MTSS1: variants seen among roughly 807,000 people sequenced by gnomAD.
MTSS1 encodes protein MTSS 1.
Under a neutral mutation model 79.0 loss-of-function variants are expected in MTSS1, and 18 were observed. The ratio of observed to expected loss-of-function variants is 0.23; its 90% CI spans 0.16 to 0.34. MTSS1 has a LOEUF of 0.34. Among genes scored for constraint, MTSS1 ranks in the 10% least tolerant of loss-of-function variants. MTSS1 has a pLI of 1.00. For missense variants in MTSS1, 815 were observed against 986.2 expected, an observed-to-expected ratio of 0.83 and a Z score of 2.33; for synonymous variants, 341 against 368.6, an observed-to-expected ratio of 0.93 and a Z score of 0.86.
chr8:124,581,689 C>A (rs1395023123), intron 6 of MTSS1, among the ~76,000 whole-genome samples: 1 of 151,824 alleles, frequency 6.6e-6, no homozygotes, highest in Admixed American at 6.6e-5. Context: ...TTCTTGACCT[C>A]ATGATGCACC....
chr8:124,682,366 A>G (rs1826257512), intron 3 of MTSS1, among the ~76,000 whole-genome samples: 1 of 152,198 alleles, frequency 6.6e-6, no homozygotes. Flanking sequence ...ATCAGCAGCA[A>G]AGTAGCTGGA....
chr8:124,694,398 C>T (rs1322331948), intron 3 of MTSS1, among the ~76,000 whole-genome samples: 9 of 151,834 alleles, frequency 5.9e-5, no homozygotes, highest in African/African-American at 2.2e-4. Context: ...GGTAATACAT[C>T]CAATGCCTGA....
chr8:124,682,464 G>T (rs1170117466), intron 3 of MTSS1, among the ~76,000 whole-genome samples: 1 of 152,216 alleles, frequency 6.6e-6, no homozygotes, highest in Non-Finnish European at 1.5e-5. Flanking sequence ...AGGTGTGAGG[G>T]GCGGCACAGA....
At chr8:124,564,977 A>C (rs982776604) in intron 9 of MTSS1, among the ~76,000 whole-genome samples, 1 of 152,256 alleles carries the variant, frequency 6.6e-6, no homozygotes, top group Non-Finnish European at 1.5e-5. Flanking sequence ...CAGGACTACT[A>C]TACCAAGAGA....
At chr8:124,568,975 A>C in intron 6 of MTSS1, 4 of 571,318 alleles carry the variant, frequency 7.0e-6, no homozygotes, top group Non-Finnish European at 7.6e-6. Flanking sequence ...GTCAATCTCA[A>C]TCAAAGAGCC....
chr8:124,700,373 G>A (rs544420424), intron 2 of MTSS1, among the ~76,000 whole-genome samples: 1 of 152,232 alleles, frequency 6.6e-6, no homozygotes, highest in East Asian at 1.9e-4. Flanking sequence ...GAGAACTGAG[G>A]CCACAAATAC....
At chr8:124,644,064 A>G (rs1190026425) in intron 3 of MTSS1, among the ~76,000 whole-genome samples, 1 of 152,198 alleles carries the variant, frequency 6.6e-6, no homozygotes, top group Non-Finnish European at 1.5e-5. Context: ...AAGAAGAGAA[A>G]GAATAGGATT....
chr8:124,664,934 A>T (rs534043910), intron 3 of MTSS1, among the ~76,000 whole-genome samples: 1 of 152,322 alleles, frequency 6.6e-6, no homozygotes, highest in South Asian at 2.1e-4. Context: ...CCGACATGTT[A>T]ACAACTCTGA....
At position 124,557,844 on chromosome 8, in the gene MTSS1, G is replaced by A; in HGVS notation, c.1067C>T (p.Ser356Leu). 1 of 1,552,822 alleles carries A rather than the reference G, an allele frequency of 6.4e-7. No homozygotes were observed. Among genetic ancestry groups the A allele is most frequent in the Non-Finnish European group, 8.7e-7 (1 of 1,144,686 alleles). Reference protein sequence around the residue: ...LSNGFSHYSLSSESHVGPTGA... With the variant: ...LSNGFSHYSLLSESHVGPTGA... ...CGTGGGCCCCACGTGGGACTCACTT[G>A]ATAAACTATAGTGAGAAAACCCGTT... The change falls in exon 11 of 14, where the codon TCA becomes TTA. Residue 356 changes from serine to leucine, a missense_variant. Transcript: ENST00000518547.
Position 124,553,581 on chromosome 8 carries a change from C to G in MTSS1, c.1679G>C (p.Arg560Pro). The G allele has an allele frequency of 1.2e-6, 2 of 1,614,126 alleles. No individual in the cohort carries two copies. Among genetic ancestry groups the G allele is most frequent in the Non-Finnish European group, 1.7e-6 (2 of 1,180,008 alleles). ...RNSDISQSYR[R>P]MFQAKRPAST... ...GGCTGGACGCTTGGCTTGGAACATC[C>G]GTCGGTAGGACTGGCTGATGTCGCT... The change falls in exon 14 of 14, where the codon CGG (arginine) becomes CCG (proline). Residue 560 changes from arginine to proline, a missense_variant. By Grantham distance (103) the Arg-to-Pro change is moderately radical (BLOSUM62 -2). Around this residue, in one of 2 missense-constraint regions of MTSS1, gnomAD observed 590 missense variants for 620.8 expected, o/e 0.95. Transcript: ENST00000518547. The surrounding 1 kb of genome is among the most constrained non-coding windows in gnomAD (Gnocchi z 6.0).
chr8:124,718,606 C>T (rs1206495993), intron 1 of MTSS1, among the ~76,000 whole-genome samples: 1 of 152,196 alleles, frequency 6.6e-6, no homozygotes, highest in Non-Finnish European at 1.5e-5. Flanking sequence ...TCCTTAATGG[C>T]TGCGTGCTCG....
chr8:124,558,686 C>T (rs761081477), intron 10 of MTSS1: 12 of 1,514,960 alleles, frequency 7.9e-6, no homozygotes, highest in East Asian at 4.9e-5. Context: ...AGAGTGGGGC[C>T]GCTGTGGCTG....
At chr8:124,631,813 G>C (rs983439329) in intron 3 of MTSS1, among the ~76,000 whole-genome samples, 1 of 152,118 alleles carries the variant, frequency 6.6e-6, no homozygotes, top group Non-Finnish European at 1.5e-5. Flanking sequence ...TCACACCCAC[G>C]GCCCTCCAAA....
At chr8:124,725,817 G>A (rs1265334502) in intron 1 of MTSS1, among the ~76,000 whole-genome samples, 1 of 152,104 alleles carries the variant, frequency 6.6e-6, no homozygotes, top group African/African-American at 2.4e-5. Flanking sequence ...CAAAGTCCAA[G>A]AAAATATTCA....
intron 1 of MTSS1, among the ~76,000 whole-genome samples, chr8:124,711,560 C>A (rs1444623898): frequency 6.6e-6 from 1 of 152,128 alleles, no homozygotes; most frequent in African/African-American, 2.4e-5. Context: ...GGTTGGGTCG[C>A]GCTTTACATG....
Position 124,552,550 on chromosome 8 carries a change from A to C in MTSS1, c.*442T>G, listed in dbSNP as rs1822690301. ...TAGTTTGTACATTAAAATAACTTGC[A>C]TTTGCTTCTAAGCTAGACTACTACA... is the stretch of plus-strand genomic sequence containing the variant. On this transcript the variant is annotated 3_prime_UTR_variant, in exon 14 of 14. Coordinates refer to ENST00000518547, the MANE Select transcript of MTSS1 (RefSeq NM_014751.6). The C allele has an allele frequency of 6.0e-6, 1 of 166,692 alleles. No individual in the cohort carries two copies. The highest frequency in any genetic ancestry group is 2.4e-5 in the African/African-American group (1 of 41,588). The allele number at this position is 166,692 out of a possible 1,614,324, so 10.3% of individuals were successfully genotyped here.
At chr8:124,641,470 T>C (rs1485431784) in intron 3 of MTSS1, among the ~76,000 whole-genome samples, 1 of 152,226 alleles carries the variant, frequency 6.6e-6, no homozygotes, top group Non-Finnish European at 1.5e-5. Context: ...CAAGATTCCT[T>C]GTGCAGTTGC....
chr8:124,592,243 C>T (rs994720848), intron 3 of MTSS1, among the ~76,000 whole-genome samples: 2 of 152,238 alleles, frequency 1.3e-5, no homozygotes, highest in East Asian at 3.8e-4. Flanking sequence ...AAGCTCTTCT[C>T]TTCCTTCTCC....
At chr8:124,649,870 T>G (rs185996932) in intron 3 of MTSS1, among the ~76,000 whole-genome samples, 30 of 152,096 alleles carry the variant, frequency 2.0e-4, no homozygotes, top group African/African-American at 7.0e-4. Flanking sequence ...ATTATCAAAC[T>G]TACGGCAGCC....
Sources: gnomAD v4.1 joint callset for allele counts (sites outside exome capture counted in the v4.1 genomes callset) on GRCh38, gnomAD v4.1.1 for gene constraint, gnomAD v4.1.1 regional missense constraint, Gnocchi (gnomAD v3.1) non-coding constraint, MANE v1.5 for transcripts, NCBI Gene and HGNC (gene_info 2026-07-23, HGNC 2026-07-21) for gene names.